Variants in CACNA1H observed in about 807,000 individuals in gnomAD.
CACNA1H encodes calcium voltage-gated channel subunit alpha1 H, also known as voltage-dependent T-type calcium channel subunit alpha-1H.
CACNA1H carries 149 observed loss-of-function variants against 192.5 expected under a neutral mutation model. That is an observed-to-expected ratio of 0.77 (90% CI 0.68 to 0.89). CACNA1H has a LOEUF of 0.89. Ranked by LOEUF, CACNA1H falls within the 40% of genes least tolerant of loss-of-function variation. CACNA1H has a pLI of 0.00. For missense variants in CACNA1H, 4,257 were observed against 3,423.5 expected, an observed-to-expected ratio of 1.24 and a Z score of -6.08; for synonymous variants, 2,202 against 1,475.2, an observed-to-expected ratio of 1.49 and a Z score of -11.29.
intron 2 of CACNA1H, among the ~76,000 whole-genome samples, chr16:1,184,323 G>T (rs911359708): frequency 6.6e-6 from 1 of 152,260 alleles, no homozygotes; most frequent in Non-Finnish European, 1.5e-5. Flanking sequence ...GCCAGAGGCC[G>T]GACTGTGGAG....
At position 1,194,611 on chromosome 16, in the gene CACNA1H, G is replaced by A. The variant is rs529553136; in HGVS notation, c.300-361G>A. On this transcript the variant is annotated intron_variant, in intron 2 of 34. Coordinates refer to ENST00000348261, the MANE Select transcript of CACNA1H (RefSeq NM_021098.3). Reference sequence around the variant, plus strand: ...AGCGCGGGAGCCCTATGCAACCTGGGCCCCATGTGGGCAGCTAGGCCCTGG... The same window carrying A: ...AGCGCGGGAGCCCTATGCAACCTGGACCCCATGTGGGCAGCTAGGCCCTGG... Among the ~76,000 whole-genome samples the A allele has an allele frequency of 3.3e-5, 5 of 152,330 alleles. No individual in the cohort carries two copies. The East Asian group carries it at 7.7e-4, about 24-fold the overall frequency.
intron 2 of CACNA1H, among the ~76,000 whole-genome samples, chr16:1,181,777 C>T (rs1965493034): frequency 1.3e-5 from 2 of 152,180 alleles, no homozygotes; most frequent in East Asian, 3.9e-4. Context: ...TCATCTCAGG[C>T]CTGAAGAGGG....
intron 1 of CACNA1H, 121 bp downstream of exon 1, chr16:1,153,591 G>A (rs1313614688): frequency 6.4e-6 from 3 of 465,886 alleles, no homozygotes; most frequent in African/African-American, 2.1e-5. Flanking sequence ...GGGGGCGGGG[G>A]GCGCGTTTGT....
intron 2 of CACNA1H, among the ~76,000 whole-genome samples, chr16:1,177,699 G>A (rs1310021591): frequency 6.6e-6 from 1 of 152,012 alleles, no homozygotes; most frequent in Non-Finnish European, 1.5e-5. Flanking sequence ...CCAGGGAAGG[G>A]CTGGGCAGGA....
Position 1,180,213 on chromosome 16 carries a change from C to T in CACNA1H, c.300-14759C>T, listed in dbSNP as rs1162695789. On this transcript the variant is annotated intron_variant, in intron 2 of 34. Coordinates refer to ENST00000348261, the MANE Select transcript of CACNA1H (RefSeq NM_021098.3). The surrounding 1 kb of genome is among the most constrained non-coding windows in gnomAD (Gnocchi z 4.4). The stretch of plus-strand genomic sequence containing the variant: ...CCTGGGTGCACAGGCAGGTGGTGTG[C>T]GTCCGCATTGCAGAACACGGGGCGT... 2.6e-5 allele frequency among the ~76,000 whole-genome samples: 4 copies of T among 152,210 alleles called. No individual in the cohort carries two copies. The highest frequency in any genetic ancestry group is 4.8e-5 in the African/African-American group (2 of 41,444).
chr16:1,153,980 C>T lies in CACNA1H; in HGVS notation c.243C>T (p.Phe81=), dbSNP rs557303824. The change falls in exon 2 of 35, where the codon TTC becomes TTT. Residue 81 remains phenylalanine (F), a synonymous_variant. Coordinates refer to ENST00000348261, the MANE Select transcript of CACNA1H (RefSeq NM_021098.3). ...PYPALAATVF[F]CLGQTTRPRS... is the part of the protein sequence containing the mutation. ...CGGCCTTGGCGGCCACGGTCTTCTT[C>T]TGCCTCGGTCAGACCACGCGGCCGC... The T allele has an allele frequency of 3.5e-6, 5 of 1,442,634 alleles. No individual in the cohort carries two copies. The Admixed American group carries it at 9.9e-5, about 29-fold the overall frequency. 89.4% of individuals were successfully genotyped at this position (1,442,634 alleles called of 1,614,324 possible).
intron 2 of CACNA1H, among the ~76,000 whole-genome samples, chr16:1,191,895 G>T (rs937866101): frequency 6.6e-6 from 1 of 151,966 alleles, no homozygotes; most frequent in Non-Finnish European, 1.5e-5. Context: ...TGGCCTGGCT[G>T]TGTGACCTCA....
intron 5 of CACNA1H, among the ~76,000 whole-genome samples, chr16:1,197,410 A>G (rs1050178694): frequency 1.3e-5 from 2 of 152,112 alleles, no homozygotes; most frequent in African/African-American, 2.4e-5. Flanking sequence ...CCTTCCTTCC[A>G]TGGATGTTTA....
intron 2 of CACNA1H, among the ~76,000 whole-genome samples, chr16:1,168,131 G>A (rs906844833): frequency 2.0e-5 from 3 of 152,088 alleles, no homozygotes; most frequent in Non-Finnish European, 2.9e-5. Context: ...GGGCACGGTG[G>A]CGGGAGACCA....
At chr16:1,164,255 G>A (rs934828767) in intron 2 of CACNA1H, among the ~76,000 whole-genome samples, 18 of 152,318 alleles carry the variant, frequency 1.2e-4, no homozygotes, top group African/African-American at 3.1e-4. Flanking sequence ...CGGCAGTGTC[G>A]TCAGTTGCAG....
Position 1,194,973 on chromosome 16 carries a change from T to G in CACNA1H, c.301T>G (p.Trp101Gly). ...SWCLRLVCNP[W>G]FEHVSMLVIM... ...GTGCTCCTTAACCCGCGGCGACACA[T>G]GGTTCGAGCACGTGAGCATGCTGGT... The change falls in exon 3 of 35, where the codon TGG (tryptophan) becomes GGG (glycine). Residue 101 changes from tryptophan (W) to glycine (G), a missense_variant and splice_region_variant. Physicochemically the swap from Trp to Gly is radical, Grantham distance 184. Coordinates refer to ENST00000348261, the MANE Select transcript of CACNA1H (RefSeq NM_021098.3). 3.1e-6 allele frequency: 5 copies of G among 1,609,942 alleles called. No homozygotes were observed. Among genetic ancestry groups the G allele is most frequent in the Non-Finnish European group, 4.2e-6 (5 of 1,177,548 alleles).
chr16:1,182,736 A>G (rs545030315), intron 2 of CACNA1H, among the ~76,000 whole-genome samples: 26 of 152,232 alleles, frequency 1.7e-4, no homozygotes, highest in African/African-American at 5.8e-4. Context: ...GAGGACCAGG[A>G]CAGAGGCCAG....
At chr16:1,161,723 T>C (rs1963219723) in intron 2 of CACNA1H, among the ~76,000 whole-genome samples, 1 of 152,170 alleles carries the variant, frequency 6.6e-6, no homozygotes, top group Admixed American at 6.5e-5. Context: ...GGAGATAGGC[T>C]GTCAGCCCCG....
rs1967362916 is a variant in CACNA1H at position 1,198,998 on chromosome 16, C to T, written c.803+224C>T. 7.1e-6 allele frequency: 4 copies of T among 562,444 alleles called. No homozygotes were observed. The East Asian group carries it at 1.2e-4, about 17-fold the overall frequency. The allele number at this position is 562,444 out of a possible 1,614,324, so 34.8% of individuals were successfully genotyped here. ...CAGTCACCGCCCCACATGGCTCCGC[C>T]CACGGTGCAGTCGCTGCACATATGC... On this transcript the variant is annotated intron_variant, in intron 6 of 34. Transcript: ENST00000348261.
chr16:1,215,432 C>T, intron 29 of CACNA1H, 57 bp downstream of exon 29: 2 of 930,922 alleles, frequency 2.1e-6, no homozygotes, highest in South Asian at 1.3e-5. Context: ...GGGGCTCAGC[C>T]ATGGGTGGGA....
At chr16:1,154,156 G>A (rs1961969120) in intron 2 of CACNA1H, 120 bp downstream of exon 2, 1 of 745,548 alleles carries the variant, frequency 1.3e-6, no homozygotes. Flanking sequence ...CCTGGCGTGG[G>A]CCGGGCGCGC....
intron 2 of CACNA1H, among the ~76,000 whole-genome samples, chr16:1,189,600 T>G (rs571537612): frequency 5.2e-4 from 79 of 151,848 alleles, no homozygotes; most frequent in Non-Finnish European, 1.1e-3. Context: ...TGTTAAATAT[T>G]TTGTAGCAAT....
chr16:1,221,355 C>A lies in CACNA1H; in HGVS notation c.*361C>A. The A allele has an allele frequency of 3.0e-6, 1 of 332,470 alleles. No homozygotes were observed. Among genetic ancestry groups the A allele is most frequent in the South Asian group, 6.1e-5 (1 of 16,494 alleles). 20.6% of individuals were successfully genotyped at this position (332,470 alleles called of 1,614,324 possible). A position where few individuals can be genotyped will look rare whatever the true frequency, so the allele number is the denominator to read the frequency against. Reference sequence around the variant, plus strand: ...CGTCCTTTCAGGCCCCGCGTTGTTACAGGACACTCGCTGGGGGCCCTGTGC... The same window carrying A: ...CGTCCTTTCAGGCCCCGCGTTGTTAAAGGACACTCGCTGGGGGCCCTGTGC... On this transcript the variant is annotated 3_prime_UTR_variant, in exon 35 of 35. Transcript: ENST00000348261.
At chr16:1,186,746 G>C (rs1966104776) in intron 2 of CACNA1H, among the ~76,000 whole-genome samples, 1 of 152,180 alleles carries the variant, frequency 6.6e-6, no homozygotes, top group Non-Finnish European at 1.5e-5. Flanking sequence ...TTCCTGGCCG[G>C]TGAATGTGCC....
Sources: gnomAD v4.1 joint callset for allele counts (sites outside exome capture counted in the v4.1 genomes callset) on GRCh38, gnomAD v4.1.1 for gene constraint, Gnocchi (gnomAD v3.1) non-coding constraint, MANE v1.5 for transcripts, NCBI Gene and HGNC (gene_info 2026-07-23, HGNC 2026-07-21) for gene names.